SGCD: variants seen among roughly 807,000 people sequenced by gnomAD.
The protein encoded by SGCD is delta-sarcoglycan.
SGCD carries 18 observed loss-of-function variants against 36.6 expected under a neutral mutation model. The observed-to-expected ratio is 0.49, with a 90% CI of 0.34 to 0.73. SGCD has a LOEUF of 0.73. SGCD is among the 30% of genes least tolerant of loss of function. The probability of loss-of-function intolerance (pLI) is 0.01; values close to 1 mark genes in which losing one functional copy is unlikely to be tolerated. For missense variants in SGCD, 387 were observed against 346.7 expected, an observed-to-expected ratio of 1.12 and a Z score of -0.92; for synonymous variants, 133 against 130.6, an observed-to-expected ratio of 1.02 and a Z score of -0.12.
At chr5:156,638,397 TATGG>T (rs1762909998) in intron 6 of SGCD, among the ~76,000 whole-genome samples, 1 of 152,144 alleles carries the variant, frequency 6.6e-6, no homozygotes, top group South Asian at 2.1e-4. Flanking sequence ...GGAGGGGAGA[TATGG>T]ATGGAGAGCC....
At chr5:155,954,123 C>T (rs941289529) in intron 1 of SGCD, among the ~76,000 whole-genome samples, 8 of 152,140 alleles carry the variant, frequency 5.3e-5, no homozygotes, top group African/African-American at 1.9e-4. Flanking sequence ...AAACTTGACT[C>T]TTCTCCATCA....
chr5:156,657,146 T>A (rs914794455), intron 7 of SGCD, among the ~76,000 whole-genome samples: 1 of 152,088 alleles, frequency 6.6e-6, no homozygotes, highest in Non-Finnish European at 1.5e-5. Context: ...TAGGGGTGAA[T>A]TAATTAGAGG....
At chr5:156,546,173 C>A (rs1399238424) in intron 4 of SGCD, among the ~76,000 whole-genome samples, 1 of 152,100 alleles carries the variant, frequency 6.6e-6, no homozygotes, top group Non-Finnish European at 1.5e-5. Flanking sequence ...TTAAGTTGAC[C>A]ATGGAACACT....
At chr5:155,957,089 G>A (rs932988511) in intron 1 of SGCD, among the ~76,000 whole-genome samples, 2 of 146,008 alleles carry the variant, frequency 1.4e-5, no homozygotes, top group African/African-American at 5.3e-5. Flanking sequence ...TTTGAATAAG[G>A]TGCTCAAGGA....
At chr5:156,161,176 C>T (rs997202992) in intron 3 of SGCD, among the ~76,000 whole-genome samples, 4 of 151,648 alleles carry the variant, frequency 2.6e-5, no homozygotes, top group East Asian at 3.8e-4. Flanking sequence ...AATCAATGCA[C>T]GAACATATCA....
chr5:156,083,989 T>C (rs1761032241), intron 1 of SGCD, among the ~76,000 whole-genome samples: 1 of 152,244 alleles, frequency 6.6e-6, no homozygotes, highest in South Asian at 2.1e-4. Context: ...ATCACATTGC[T>C]ATGATTACTT....
At chr5:156,700,807 G>A (rs952701506) in intron 7 of SGCD, among the ~76,000 whole-genome samples, 1 of 152,138 alleles carries the variant, frequency 6.6e-6, no homozygotes, top group South Asian at 2.1e-4. Flanking sequence ...GCCAGGTGTA[G>A]TGGCACACCC....
intron 1 of SGCD, among the ~76,000 whole-genome samples, chr5:155,960,909 A>C (rs1991792): frequency 0.42 from 64,233 of 151,904 alleles, 14,400 homozygotes; most frequent in African/African-American, 0.57. Context: ...CCCCGTCACT[A>C]CTGTAACTTG....
chr5:155,799,321 A>AC, the SGCD span, among the ~76,000 whole-genome samples: 1 of 151,922 alleles, frequency 6.6e-6, no homozygotes, highest in African/African-American at 2.4e-5. Flanking sequence ...TGCTACTGTT[A>AC]TATGGTAGCA....
intron 1 of SGCD, among the ~76,000 whole-genome samples, chr5:155,956,203 C>G (rs1198017598): frequency 6.7e-6 from 1 of 149,712 alleles, no homozygotes. Flanking sequence ...CTGAAGTATT[C>G]CTGCTCATGA....
chr5:156,684,568 A>T (rs565561432), intron 7 of SGCD, among the ~76,000 whole-genome samples: 8 of 152,252 alleles, frequency 5.3e-5, no homozygotes, highest in Non-Finnish European at 1.2e-4. Context: ...TTTAGATATC[A>T]TCTCCTTTTG....
At chr5:156,726,000 T>TTAATATCCTTTCTCAAATTCTAA (rs1755755400) in intron 7 of SGCD, among the ~76,000 whole-genome samples, 1 of 152,242 alleles carries the variant, frequency 6.6e-6, no homozygotes, top group East Asian at 1.9e-4. Context: ...GATATTAACG[T>TTAATATCCTTTCTCAAATTCTAA]TTCCTTTCTC....
chr5:155,783,865 A>G, the SGCD span, among the ~76,000 whole-genome samples: 3 of 152,194 alleles, frequency 2.0e-5, no homozygotes, highest in African/African-American at 4.8e-5. Flanking sequence ...ATCTACAGCT[A>G]TATGTATGCA....
rs75023549 is a variant in SGCD at position 156,522,889 on chromosome 5, G to C, written c.294+14187G>C. Among the ~76,000 whole-genome samples, 1,327 of 152,128 alleles carry C rather than the reference G, an allele frequency of 8.7e-3. 10 individuals are homozygous for C. Among genetic ancestry groups the C allele is most frequent in the African/African-American group, 0.03 (1,255 of 41,462 alleles). On this transcript the variant is annotated intron_variant, in intron 4 of 8. Coordinates refer to ENST00000337851, the MANE Select transcript of SGCD (RefSeq NM_000337.6). ...AAGTTTGTCAATATTTATCAAAGTT[G>C]AGAAATATCTGTACACTTTTTGAAA... is the stretch of plus-strand genomic sequence containing the variant.
intron 1 of SGCD, among the ~76,000 whole-genome samples, chr5:156,012,481 A>G (rs1313349520): frequency 6.6e-6 from 1 of 152,202 alleles, no homozygotes; most frequent in Non-Finnish European, 1.5e-5. Context: ...CCCACCATTC[A>G]GTGAAGTCAG....
intron 7 of SGCD, among the ~76,000 whole-genome samples, chr5:156,751,619 A>G (rs1757151632): frequency 6.6e-6 from 1 of 152,204 alleles, no homozygotes; most frequent in African/African-American, 2.4e-5. Context: ...AATAAAAAAT[A>G]GACAAAAATA....
At chr5:156,669,606 G>A (rs1278838872) in intron 7 of SGCD, among the ~76,000 whole-genome samples, 1 of 152,166 alleles carries the variant, frequency 6.6e-6, no homozygotes, top group East Asian at 1.9e-4. Flanking sequence ...CAAATGACCA[G>A]CCTTCAAGAC....
intron 6 of SGCD, among the ~76,000 whole-genome samples, chr5:156,645,531 T>C (rs1336851755): frequency 6.6e-6 from 1 of 152,182 alleles, no homozygotes; most frequent in Non-Finnish European, 1.5e-5. Context: ...AACATTGATA[T>C]TTGCTCATAG....
chr5:155,813,062 A>G, the SGCD span, among the ~76,000 whole-genome samples: 1 of 151,974 alleles, frequency 6.6e-6, no homozygotes, highest in Non-Finnish European at 1.5e-5. Context: ...GAAGAAAGGA[A>G]GGAAAAAGGA....
Sources: gnomAD v4.1 joint callset for allele counts (sites outside exome capture counted in the v4.1 genomes callset) on GRCh38, gnomAD v4.1.1 for gene constraint, MANE v1.5 for transcripts, NCBI Gene and HGNC (gene_info 2026-07-23, HGNC 2026-07-21) for gene names.